Variants in FCHSD2 observed in about 807,000 individuals in gnomAD.
The protein encoded by FCHSD2 is F-BAR and double SH3 domains protein 2.
FCHSD2 carries 38 observed loss-of-function variants against 108.1 expected under a neutral mutation model. The observed-to-expected ratio is 0.35, with a 90% CI of 0.27 to 0.46. The LOEUF (loss-of-function observed/expected upper bound fraction) is 0.46, where lower values mean the gene tolerates loss of function less well. Among genes scored for constraint, FCHSD2 ranks in the 20% least tolerant of loss-of-function variants. The probability of loss-of-function intolerance (pLI) is 1.00; values close to 1 mark genes in which losing one functional copy is unlikely to be tolerated. For synonymous variants in FCHSD2, 279 were observed against 314.7 expected (o/e 0.89, Z 1.20); for missense variants, 751 against 897.8 (o/e 0.84, Z 2.09).
Position 72,944,133 on chromosome 11 carries a change from C to T in FCHSD2, c.706-22183G>A, listed in dbSNP as rs61568147. 7.2e-5 allele frequency among the ~76,000 whole-genome samples: 11 copies of T among 152,226 alleles called. No homozygotes were observed. The East Asian group carries it at 1.9e-3, about 27-fold the overall frequency. On this transcript the variant is annotated intron_variant, in intron 8 of 19. Transcript: ENST00000409418. ...TTAAAACAATATCCCTGATGAACAT[C>T]GATGCAAAAATCCTCAATAAAATAC...
intron 10 of FCHSD2, chr11:72,900,331 G>T: frequency 6.5e-7 from 1 of 1,544,614 alleles, no homozygotes. Context: ...TTTAAACTCT[G>T]CCCAGTAAAG....
intron 3 of FCHSD2, among the ~76,000 whole-genome samples, chr11:73,023,047 T>C (rs568796700): frequency 6.6e-6 from 1 of 152,150 alleles, no homozygotes; most frequent in East Asian, 1.9e-4. Flanking sequence ...ACACAAAAAT[T>C]GGCTCAAAAT....
chr11:72,854,107 G>C (rs1591343638), intron 13 of FCHSD2, among the ~76,000 whole-genome samples: 1 of 152,118 alleles, frequency 6.6e-6, no homozygotes, highest in African/African-American at 2.4e-5. Flanking sequence ...GGAAAAATTG[G>C]AACTTTTATA....
At chr11:72,939,619 T>C (rs1436850994) in intron 8 of FCHSD2, among the ~76,000 whole-genome samples, 2 of 135,132 alleles carry the variant, frequency 1.5e-5, no homozygotes, top group Non-Finnish European at 3.2e-5. Flanking sequence ...CTTTTTTTTT[T>C]TTTTTTTTTT....
chr11:72,870,839 T>C (rs975582919), intron 12 of FCHSD2, among the ~76,000 whole-genome samples: 1 of 129,706 alleles, frequency 7.7e-6, no homozygotes, highest in African/African-American at 3.0e-5. Context: ...GGCGGAGCTT[T>C]CAGTGAGCCG....
chr11:73,089,705 T>G (rs1431296762), intron 2 of FCHSD2, among the ~76,000 whole-genome samples: 2 of 152,192 alleles, frequency 1.3e-5, no homozygotes, highest in Non-Finnish European at 2.9e-5. Flanking sequence ...ATTTTAGAAT[T>G]TCATTTATAC....
At chr11:72,992,437 C>A (rs1348150602) in intron 5 of FCHSD2, among the ~76,000 whole-genome samples, 1 of 152,182 alleles carries the variant, frequency 6.6e-6, no homozygotes, top group Non-Finnish European at 1.5e-5. Flanking sequence ...CAAAAAAGAG[C>A]CCGCATTGCC....
At chr11:72,921,306 A>G (rs1855972522) in intron 9 of FCHSD2, among the ~76,000 whole-genome samples, 3 of 152,294 alleles carry the variant, frequency 2.0e-5, no homozygotes, top group South Asian at 4.2e-4. Flanking sequence ...TCTGCATACA[A>G]TGTGACATGT....
chr11:72,889,795 G>A (rs1371410507), intron 11 of FCHSD2, 34 bp downstream of exon 11: 5 of 1,209,416 alleles, frequency 4.1e-6, no homozygotes, highest in Non-Finnish European at 6.1e-6. Flanking sequence ...TTTGGCTTAA[G>A]GTGAATGTAA....
intron 3 of FCHSD2, among the ~76,000 whole-genome samples, chr11:73,064,670 C>T (rs975683799): frequency 2.6e-5 from 4 of 151,818 alleles, no homozygotes; most frequent in Non-Finnish European, 5.9e-5. Flanking sequence ...GTGGGATATT[C>T]TTATATCACC....
At chr11:72,852,057 T>G (rs1455759190) in intron 13 of FCHSD2, among the ~76,000 whole-genome samples, 1 of 151,548 alleles carries the variant, frequency 6.6e-6, no homozygotes, top group African/African-American at 2.4e-5. Context: ...TTGTTTTTGG[T>G]GTTTTTTTTT....
chr11:72,964,500 A>G (rs1447430258), intron 8 of FCHSD2, among the ~76,000 whole-genome samples: 1 of 152,160 alleles, frequency 6.6e-6, no homozygotes, highest in Non-Finnish European at 1.5e-5. Context: ...AACAGTACAC[A>G]TCTGCCTTCT....
chr11:72,944,939 TA>T, intron 8 of FCHSD2, among the ~76,000 whole-genome samples: 1 of 152,192 alleles, frequency 6.6e-6, no homozygotes, highest in Non-Finnish European at 1.5e-5. Context: ...TGCTCACGGG[TA>T]GGAAGAATCA....
intron 10 of FCHSD2, among the ~76,000 whole-genome samples, chr11:72,895,167 G>A (rs1045685597): frequency 2.6e-5 from 4 of 152,088 alleles, no homozygotes; most frequent in African/African-American, 9.7e-5. Context: ...AGTGTGCCTG[G>A]CCTCTCAGGA....
intron 8 of FCHSD2, chr11:72,941,162 A>T (rs1194221373): frequency 2.6e-6 from 1 of 385,252 alleles, no homozygotes; most frequent in Non-Finnish European, 4.7e-6. Flanking sequence ...GACAGTCAAA[A>T]AAATAAATAA....
chr11:72,988,211 C>A (rs541125018), intron 6 of FCHSD2, among the ~76,000 whole-genome samples: 1 of 152,302 alleles, frequency 6.6e-6, no homozygotes, highest in African/African-American at 2.4e-5. Context: ...AGCACACTGA[C>A]CCTGAGTCTC....
intron 3 of FCHSD2, among the ~76,000 whole-genome samples, chr11:73,083,331 A>C (rs1859739948): frequency 6.6e-6 from 1 of 152,156 alleles, no homozygotes. Flanking sequence ...CGGACGGATC[A>C]TAAGGTCAAG....
At chr11:72,914,857 T>C (rs186781004) in intron 9 of FCHSD2, among the ~76,000 whole-genome samples, 2 of 152,028 alleles carry the variant, frequency 1.3e-5, no homozygotes, top group Non-Finnish European at 2.9e-5. Context: ...CCAAAAGCAA[T>C]TGCAACAAAA....
chr11:72,861,537 A>G (rs1481187359), intron 13 of FCHSD2, among the ~76,000 whole-genome samples: 1 of 152,166 alleles, frequency 6.6e-6, no homozygotes, highest in Non-Finnish European at 1.5e-5. Flanking sequence ...TCATTTGGAG[A>G]CAAGCATTGT....
Sources: gnomAD v4.1 joint callset for allele counts (sites outside exome capture counted in the v4.1 genomes callset) on GRCh38, gnomAD v4.1.1 for gene constraint, MANE v1.5 for transcripts, NCBI Gene and HGNC (gene_info 2026-07-23, HGNC 2026-07-21) for gene names.